The following UGT1A5 variants were observed in gnomAD, a reference collection of about 807,000 sequenced individuals.
The protein encoded by UGT1A5 is UDP glucuronosyltransferase family 1 member A5.
Under a neutral mutation model 40.3 loss-of-function variants are expected in UGT1A5, and 29 were observed. The ratio of observed to expected loss-of-function variants is 0.72; its 90% CI spans 0.54 to 0.98. The LOEUF is 0.98. Among genes scored for constraint, UGT1A5 ranks in the 50% least tolerant of loss-of-function variants. UGT1A5 has a pLI of 0.00. For synonymous variants in UGT1A5, 257 were observed against 262.5 expected (o/e 0.98, Z 0.20); for missense variants, 678 against 677.9 (o/e 1.00, Z 0.00).
chr2:233,748,845 C>T (rs936990961), intron 1 of UGT1A5, among the ~76,000 whole-genome samples: 6 of 151,120 alleles, frequency 4.0e-5, no homozygotes, highest in East Asian at 1.9e-4. Context: ...AAACTGTGAG[C>T]GTATAAGCCC....
rs542057655 is a variant in UGT1A5 at position 233,743,464 on chromosome 2, C to G, written c.868-23570C>G. The G allele has an allele frequency of 3.7e-5, 50 of 1,366,536 alleles. No individual in the cohort carries two copies. The South Asian group carries it at 5.6e-4, about 15-fold the overall frequency. The allele number at this position is 1,366,536 out of a possible 1,614,324, so 84.7% of individuals were successfully genotyped here. A position where few individuals can be genotyped will look rare whatever the true frequency, so the allele number is the denominator to read the frequency against. On this transcript the variant is annotated intron_variant, in intron 1 of 4. Coordinates refer to ENST00000373414, the MANE Select transcript of UGT1A5 (RefSeq NM_019078.2). ...TGTATCAAAAGAAGAAAAAACACCC[C>G]CAAAAGCTGGAAATTCACTGAAGGC...
chr2:233,754,979 G>C lies in UGT1A5; in HGVS notation c.868-12055G>C, dbSNP rs541611005. 93 of 1,297,796 alleles carry C rather than the reference G, an allele frequency of 7.2e-5. No homozygotes were observed. In the African/African-American group the frequency reaches 1.2e-3, roughly 17 times the overall value. The allele number at this position is 1,297,796 out of a possible 1,614,324, so 80.4% of individuals were successfully genotyped here. A position where few individuals can be genotyped will look rare whatever the true frequency, so the allele number is the denominator to read the frequency against. On this transcript the variant is annotated intron_variant, in intron 1 of 4. Coordinates refer to ENST00000373414, the MANE Select transcript of UGT1A5 (RefSeq NM_019078.2). The stretch of plus-strand genomic sequence containing the variant: ...CGCCAAAGAACTCCCTGAAGACCTC[G>C]GCGGGGTCACGGAAGCTGAAGACCT...
At chr2:233,722,133 T>C (rs1336404223) in intron 1 of UGT1A5, 2 of 172,564 alleles carry the variant, frequency 1.2e-5, no homozygotes, top group Non-Finnish European at 2.5e-5. Context: ...TAGTAGAGTT[T>C]AAGACTCCTG....
At chr2:233,755,199 C>A (rs1448845057) in intron 1 of UGT1A5, 6 of 1,106,350 alleles carry the variant, frequency 5.4e-6, no homozygotes, top group South Asian at 1.2e-5. Flanking sequence ...CGCCAGCTTG[C>A]GGTACGCCTT....
At chr2:233,755,176 G>A in intron 1 of UGT1A5, 1 of 1,238,182 alleles carries the variant, frequency 8.1e-7, no homozygotes, top group South Asian at 1.2e-5. Flanking sequence ...TTTTTGTCGG[G>A]GTGCCACTTG....
chr2:233,719,459 C>T (rs758684998), intron 1 of UGT1A5: 2 of 1,613,896 alleles, frequency 1.2e-6, no homozygotes, highest in East Asian at 4.5e-5. Context: ...GGGTCAAGAA[C>T]ATGCTCTACC....
chr2:233,718,955 G>C (rs1197227644), intron 1 of UGT1A5: 1 of 1,614,222 alleles, frequency 6.2e-7, no homozygotes, highest in Admixed American at 1.7e-5. Flanking sequence ...TCAGCATGCG[G>C]GAGGCCTTGC....
At chr2:233,766,879 G>A (rs1237814699) in intron 1 of UGT1A5, among the ~76,000 whole-genome samples, 155 bp from the exon 2 acceptor site, 1 of 152,170 alleles carries the variant, frequency 6.6e-6, no homozygotes, top group Non-Finnish European at 1.5e-5. Context: ...GGAAAATGCT[G>A]TAAAACTTAC....
intron 1 of UGT1A5, chr2:233,747,401 A>G: frequency 6.2e-7 from 1 of 1,606,744 alleles, no homozygotes; most frequent in East Asian, 2.2e-5. Flanking sequence ...TCCTCACCCC[A>G]GAGGTGAATA....
intron 1 of UGT1A5, among the ~76,000 whole-genome samples, chr2:233,725,237 G>A: frequency 1.2e-5 from 1 of 85,832 alleles, no homozygotes; most frequent in Non-Finnish European, 2.1e-5. Context: ...AGGCAGAGGA[G>A]GCAGAGGCAG....
At chr2:233,755,174 G>C (rs868590389) in intron 1 of UGT1A5, 4 of 1,248,738 alleles carry the variant, frequency 3.2e-6, no homozygotes, top group African/African-American at 3.0e-5. Flanking sequence ...GGTTTTTGTC[G>C]GGGTGCCACT....
At position 233,713,149 on chromosome 2, in the gene UGT1A5, C is replaced by A. The variant is rs777655753; in HGVS notation, c.158C>A (p.Ala53Glu). ...SMREALRDLHARGHQVVVLTL... is the reference protein window; with the variant it reads ...SMREALRDLHERGHQVVVLTL... The stretch of plus-strand genomic sequence containing the variant: ...CGGGAGGCCTTGCGGGACCTCCATG[C>A]GAGAGGCCACCAGGTGGTGGTCCTC... Residue 53 changes from alanine to glutamate, a missense_variant, in exon 1 of 5, where the codon GCG (alanine) becomes GAG (glutamate). Coordinates refer to ENST00000373414, the MANE Select transcript of UGT1A5 (RefSeq NM_019078.2). 2 of 1,614,172 alleles carry A rather than the reference C, an allele frequency of 1.2e-6. No homozygotes were observed. Among genetic ancestry groups the A allele is most frequent in the Admixed American group, 1.7e-5 (1 of 60,026 alleles).
At chr2:233,730,261 T>C (rs1457802984) in intron 1 of UGT1A5, among the ~76,000 whole-genome samples, 1 of 152,074 alleles carries the variant, frequency 6.6e-6, no homozygotes, top group East Asian at 1.9e-4. Context: ...ATAGAGACTG[T>C]TGGTTTGTAA....
At chr2:233,768,114 G>T in intron 3 of UGT1A5, 106 bp from the exon 4 acceptor site, 2 of 1,597,766 alleles carry the variant, frequency 1.3e-6, no homozygotes. Flanking sequence ...TTCTGCAAGG[G>T]CATGTGAGTA....
At chr2:233,721,253 T>C (rs373881377) in intron 1 of UGT1A5, among the ~76,000 whole-genome samples, 4 of 152,188 alleles carry the variant, frequency 2.6e-5, no homozygotes, top group East Asian at 3.9e-4. Flanking sequence ...AAAATATATA[T>C]GTTCTTTAGC....
chr2:233,770,590 G>A (rs1203955957), intron 4 of UGT1A5: 2 of 151,878 alleles, frequency 1.3e-5, no homozygotes, highest in Non-Finnish European at 2.9e-5. Flanking sequence ...CCTGAGAGGC[G>A]GAGGTTGCAG....
intron 1 of UGT1A5, among the ~76,000 whole-genome samples, chr2:233,750,313 G>A (rs771839306): frequency 6.6e-6 from 1 of 151,862 alleles, no homozygotes; most frequent in Non-Finnish European, 1.5e-5. Context: ...AGAGATCTGT[G>A]GAACTTTGAA....
intron 1 of UGT1A5, among the ~76,000 whole-genome samples, chr2:233,765,369 A>G (rs139848699): frequency 2.0e-4 from 30 of 152,382 alleles, no homozygotes; most frequent in African/African-American, 7.0e-4. Flanking sequence ...ATGCCCATCA[A>G]TGGTAGATTG....
At chr2:233,759,599 A>ACCCCCCCCCCCCCCCC (rs1553620419) in intron 1 of UGT1A5, among the ~76,000 whole-genome samples, 4 of 108,738 alleles carry the variant, frequency 3.7e-5, no homozygotes, top group East Asian at 3.1e-4. Flanking sequence ...CCCACCCCCG[A>ACCCCCCCCCCCCCCCC]CCCGCCCCAC....
Sources: gnomAD v4.1 joint callset for allele counts (sites outside exome capture counted in the v4.1 genomes callset) on GRCh38, gnomAD v4.1.1 for gene constraint, MANE v1.5 for transcripts, NCBI Gene and HGNC (gene_info 2026-07-23, HGNC 2026-07-21) for gene names.